The following LRRC7 variants were observed in gnomAD, a reference collection of about 807,000 sequenced individuals.
LRRC7 encodes leucine-rich repeat-containing protein 7.
A neutral mutation model predicts 175.7 loss-of-function variants in LRRC7; 23 were observed. The ratio of observed to expected loss-of-function variants is 0.13; its 90% CI spans 0.09 to 0.19. The LOEUF is 0.19. Ranked by LOEUF, LRRC7 falls within the 10% of genes least tolerant of loss-of-function variation. LRRC7 has a pLI of 1.00. For synonymous variants in LRRC7, 685 were observed against 680.9 expected (o/e 1.01, Z -0.09); for missense variants, 1,354 against 1,904.7 (o/e 0.71, Z 5.38).
chr1:69,569,813 G>A (rs1364250390), intron 1 of LRRC7, among the ~76,000 whole-genome samples: 1 of 150,852 alleles, frequency 6.6e-6, no homozygotes, highest in Non-Finnish European at 1.5e-5. Flanking sequence ...GAGAAGAGAC[G>A]GGGTCACTTT....
chr1:69,958,598 T>A (rs139763261), intron 8 of LRRC7, among the ~76,000 whole-genome samples: 1,717 of 152,068 alleles, frequency 0.011, 51 homozygotes, highest in Admixed American at 0.067. Flanking sequence ...GTATAGGAAA[T>A]AAGTCCAGAT....
chr1:69,953,768 T>C (rs140599747), intron 8 of LRRC7, among the ~76,000 whole-genome samples: 124 of 152,184 alleles, frequency 8.1e-4, no homozygotes, highest in Middle Eastern at 3.4e-3. Context: ...ACACAGTGTA[T>C]GTTAAAGAAG....
chr1:69,902,578 CA>C (rs5774997), intron 7 of LRRC7, among the ~76,000 whole-genome samples: 81,361 of 147,058 alleles, frequency 0.55, 21,908 homozygotes, highest in East Asian at 0.71. Flanking sequence ...CAAAACAAAA[CA>C]AAAAAAAAAG....
intron 1 of LRRC7, among the ~76,000 whole-genome samples, chr1:69,604,673 AT>A (rs1305903299): frequency 6.6e-6 from 1 of 151,470 alleles, no homozygotes; most frequent in Non-Finnish European, 1.5e-5. Context: ...TGCTGTAATT[AT>A]TTTTAAGTAG....
At chr1:69,881,915 G>T (rs551772089) in intron 7 of LRRC7, among the ~76,000 whole-genome samples, 1 of 147,710 alleles carries the variant, frequency 6.8e-6, no homozygotes, top group South Asian at 2.1e-4. Flanking sequence ...CAAATACAAG[G>T]CACCCTATAG....
intron 8 of LRRC7, among the ~76,000 whole-genome samples, chr1:69,946,792 A>G (rs1649364698): frequency 6.6e-6 from 1 of 152,000 alleles, no homozygotes; most frequent in Non-Finnish European, 1.5e-5. Flanking sequence ...CTTTAAAGTG[A>G]GTAGGCCAGG....
chr1:69,729,582 G>A (rs1000858316), intron 2 of LRRC7, among the ~76,000 whole-genome samples: 3 of 152,158 alleles, frequency 2.0e-5, no homozygotes, highest in Non-Finnish European at 4.4e-5. Context: ...TCTAGGTCAG[G>A]CTGATGATGC....
chr1:70,001,839 C>A (rs1439595986), intron 11 of LRRC7, among the ~76,000 whole-genome samples: 1 of 151,994 alleles, frequency 6.6e-6, no homozygotes, highest in Non-Finnish European at 1.5e-5. Context: ...GTGTTCCAGA[C>A]CTCATGTTTG....
At chr1:69,963,434 T>G (rs1425071102) in intron 8 of LRRC7, among the ~76,000 whole-genome samples, 1 of 151,718 alleles carries the variant, frequency 6.6e-6, no homozygotes, top group African/African-American at 2.4e-5. Flanking sequence ...GAGGGAACAG[T>G]GAAAGGAGAG....
intron 1 of LRRC7, among the ~76,000 whole-genome samples, chr1:69,595,194 G>A (rs957880150): frequency 6.6e-6 from 1 of 152,100 alleles, no homozygotes; most frequent in African/African-American, 2.4e-5. Flanking sequence ...GGCTAAAGCA[G>A]GTGGACCATG....
chr1:69,715,341 A>G (rs1456003865), intron 2 of LRRC7, among the ~76,000 whole-genome samples: 2 of 152,180 alleles, frequency 1.3e-5, no homozygotes, highest in East Asian at 1.9e-4. Context: ...TTTTACAGAT[A>G]TAGATATAAA....
chr1:70,069,179 A>G (rs930107989), intron 23 of LRRC7, among the ~76,000 whole-genome samples: 1 of 152,206 alleles, frequency 6.6e-6, no homozygotes, highest in Admixed American at 6.5e-5. Flanking sequence ...TGGGTAATTT[A>G]TAAAGGAAGG....
In LRRC7 at chr1:69,895,679, G is replaced by T. The variant is rs80092169; in HGVS notation, c.648-35828G>T. Among the ~76,000 whole-genome samples the T allele has an allele frequency of 7.7e-3, 1,166 of 152,220 alleles. 9 individuals are homozygous for T. Among genetic ancestry groups the T allele is most frequent in the African/African-American group, 0.026 (1,065 of 41,546 alleles). The stretch of plus-strand genomic sequence containing the variant: ...GACTTTTCTGGAGTTTTATGTAAAT[G>T]TAACTATACAGTATATTCTCTTTTT... On this transcript the variant is annotated intron_variant, in intron 7 of 26. Coordinates refer to ENST00000651989, the MANE Select transcript of LRRC7 (RefSeq NM_001370785.2).
intron 4 of LRRC7, among the ~76,000 whole-genome samples, chr1:69,796,229 T>C (rs1336028937): frequency 1.3e-5 from 2 of 150,874 alleles, no homozygotes; most frequent in African/African-American, 4.9e-5. Context: ...TTTGGTTTTT[T>C]GTCCTTGCAA....
At chr1:69,892,064 T>A (rs1645852186) in intron 7 of LRRC7, among the ~76,000 whole-genome samples, 1 of 152,232 alleles carries the variant, frequency 6.6e-6, no homozygotes, top group African/African-American at 2.4e-5. Flanking sequence ...GAAACATCAG[T>A]CTGTATATTG....
chr1:69,881,682 G>A (rs183408672), intron 7 of LRRC7, among the ~76,000 whole-genome samples: 5 of 151,428 alleles, frequency 3.3e-5, no homozygotes, highest in Admixed American at 6.6e-5. Flanking sequence ...TTCAAGACTA[G>A]TCTGGGCAAC....
rs1337201267 is a variant in LRRC7 at position 70,039,619 on chromosome 1, T to G, written c.3795T>G (p.Leu1265=). Residue 1265 remains leucine (L), a synonymous_variant, in exon 21 of 27, where the codon CTT becomes CTG. Coordinates refer to ENST00000651989, the MANE Select transcript of LRRC7 (RefSeq NM_001370785.2). ...CAGCTAGGCCTACTATGGCAGCTCTTTTGGAAAAAATACCATCTGACTATA... is the reference window on the plus strand; with the variant it reads ...CAGCTAGGCCTACTATGGCAGCTCTGTTGGAAAAAATACCATCTGACTATA... ...PVSARPTMAA[L]LEKIPSDYNL... is the part of the protein sequence containing the mutation. 2 of 1,614,038 alleles carry G rather than the reference T, an allele frequency of 1.2e-6. No individual in the cohort carries two copies. The highest frequency in any genetic ancestry group is 3.3e-4 in the Middle Eastern group (2 of 6,060).
At chr1:69,610,567 A>C (rs1465915199) in intron 1 of LRRC7, among the ~76,000 whole-genome samples, 1 of 151,980 alleles carries the variant, frequency 6.6e-6, no homozygotes, top group African/African-American at 2.4e-5. Flanking sequence ...GTCTTTGTAA[A>C]TAGCTTCTTT....
intron 1 of LRRC7, among the ~76,000 whole-genome samples, chr1:69,604,736 T>C (rs1208478549): frequency 6.6e-6 from 1 of 152,102 alleles, no homozygotes; most frequent in Non-Finnish European, 1.5e-5. Flanking sequence ...TTACATTAGG[T>C]TTTAGCTGGT....
Sources: allele counts gnomAD v4.1 joint callset (sites outside exome capture counted in the v4.1 genomes callset), GRCh38; gene constraint gnomAD v4.1.1; transcripts MANE v1.5; gene names NCBI Gene and HGNC (gene_info 2026-07-23, HGNC 2026-07-21).